COL18A1: variants seen among roughly 807,000 people sequenced by gnomAD.
COL18A1 encodes collagen type XVIII alpha 1 chain.
COL18A1 carries 133 observed loss-of-function variants against 168.0 expected under a neutral mutation model. The ratio of observed to expected loss-of-function variants is 0.79; its 90% confidence interval spans 0.69 to 0.91. COL18A1 has a LOEUF of 0.91. Among genes scored for constraint, COL18A1 ranks in the 40% least tolerant of loss-of-function variants. The probability of loss-of-function intolerance (pLI) is 0.00; values close to 1 mark genes in which losing one functional copy is unlikely to be tolerated. For missense variants in COL18A1, 2,126 were observed against 1,925.4 expected (o/e 1.10, Z -1.95); for synonymous variants, 949 against 809.0 (o/e 1.17, Z -2.94).
chr21:45,499,843 A>G (rs1362778994), intron 32 of COL18A1, among the ~76,000 whole-genome samples: 1 of 152,216 alleles, frequency 6.6e-6, no homozygotes, highest in Admixed American at 6.5e-5. Flanking sequence ...AAGGCAAAAC[A>G]TGAGAGAAAA....
chr21:45,456,367 C>T (rs533274673), intron 2 of COL18A1: 11 of 1,550,150 alleles, frequency 7.1e-6, no homozygotes, highest in Admixed American at 5.9e-5. Context: ...CGGCCCCCTC[C>T]GCCTTCTCCT....
chr21:45,455,449 G>T lies in COL18A1; in HGVS notation c.107-12793G>T, dbSNP rs541819056. 4.0e-3 allele frequency: 6,366 copies of T among 1,584,460 alleles called. 22 individuals are homozygous for T. The highest frequency in any genetic ancestry group is 5.2e-3 in the Non-Finnish European group (6,073 of 1,166,058). On this transcript the variant is annotated intron_variant, in intron 2 of 41. Coordinates refer to ENST00000651438, the MANE Select transcript of COL18A1 (RefSeq NM_001379500.1). ...GGCTGGGAAGCCTGCACAGGGGAGG[G>T]CAGGAGGGCGTGAGCCTGGCTAGCC...
At chr21:45,503,725 A>G (rs1471290635) in intron 32 of COL18A1, among the ~76,000 whole-genome samples, 3 of 151,996 alleles carry the variant, frequency 2.0e-5, no homozygotes, top group Admixed American at 1.3e-4. Flanking sequence ...AGCATGGCAC[A>G]TGTATACATA....
At position 45,405,483 on chromosome 21, in the gene COL18A1, G is replaced by T. The variant is rs561528069; in HGVS notation, c.106+10G>T. 1.5e-6 allele frequency: 2 copies of T among 1,354,716 alleles called. No individual in the cohort carries two copies. The highest frequency in any genetic ancestry group is 1.6e-5 in the South Asian group (1 of 62,916). 83.9% of individuals were successfully genotyped at this position (1,354,716 alleles called of 1,614,324 possible). On this transcript the variant is annotated intron_variant, in intron 2 of 41. Coordinates refer to ENST00000651438, the MANE Select transcript of COL18A1 (RefSeq NM_001379500.1). ...GCCTCCGCGGAGCCAGGTAAGACCC[G>T]GGCGGGACGGGAAGGTTCGCGCCGG...
chr21:45,452,433 T>TGCATGTGAGTACTCACGTGTG (rs1331593282), intron 2 of COL18A1, among the ~76,000 whole-genome samples: 2 of 152,058 alleles, frequency 1.3e-5, no homozygotes, highest in Non-Finnish European at 2.9e-5. Flanking sequence ...AGCTTGTGTA[T>TGCATGTGAGTACTCACGTGTG]GCATGTGAGT....
At chr21:45,487,879 A>G (rs562576262) in intron 17 of COL18A1, among the ~76,000 whole-genome samples, 1 of 152,278 alleles carries the variant, frequency 6.6e-6, no homozygotes, top group South Asian at 2.1e-4. Flanking sequence ...TAGAATCTGA[A>G]ATTCCTATGA....
At chr21:45,436,876 G>T (rs1301237669) in intron 2 of COL18A1, among the ~76,000 whole-genome samples, 1 of 151,222 alleles carries the variant, frequency 6.6e-6, no homozygotes, top group African/African-American at 2.4e-5. Context: ...TTGCTGGCTG[G>T]GGGGCAGCCA....
chr21:45,406,952 G>C (rs995667764), intron 2 of COL18A1, among the ~76,000 whole-genome samples: 1 of 152,206 alleles, frequency 6.6e-6, no homozygotes, highest in Non-Finnish European at 1.5e-5. Flanking sequence ...CTTCTGTCCC[G>C]GGCCTGCCCC....
At chr21:45,447,203 A>G (rs1024377633) in intron 2 of COL18A1, among the ~76,000 whole-genome samples, 2 of 150,788 alleles carry the variant, frequency 1.3e-5, no homozygotes, top group African/African-American at 2.4e-5. Context: ...TCTTATATAT[A>G]TATATATCAT....
chr21:45,456,617 G>A (rs554736377), intron 2 of COL18A1: 42 of 1,539,974 alleles, frequency 2.7e-5, no homozygotes, highest in Middle Eastern at 1.7e-4. Context: ...CCACGAGAGC[G>A]GCGAGCAGGT....
intron 2 of COL18A1, among the ~76,000 whole-genome samples, chr21:45,437,968 ACACACACT>A (rs1253962776): frequency 1.3e-5 from 1 of 76,298 alleles, no homozygotes; most frequent in South Asian, 4.9e-4. Context: ...TCTCCTGCAC[ACACACACT>A]CACACACTCA....
At chr21:45,493,395 C>G in intron 25 of COL18A1, 106 bp from the exon 26 acceptor site, 1 of 1,305,086 alleles carries the variant, frequency 7.7e-7, no homozygotes, top group East Asian at 2.5e-5. Flanking sequence ...CGTGAAAGGA[C>G]CCAGCCTGCG....
chr21:45,422,700 C>T (rs532920733), intron 2 of COL18A1: 1 of 310,002 alleles, frequency 3.2e-6, no homozygotes, highest in Non-Finnish European at 6.4e-6. Context: ...CAGGTCAGGC[C>T]ACTGGGTGAG....
Position 45,490,450 on chromosome 21 carries a change from G to A in COL18A1, c.2031+104G>A. ...GAGATGTGCCCTCCCGGGTCCCTGG[G>A]TCTCCATGTGCCCTCGTGGGTCCCT... is the stretch of plus-strand genomic sequence containing the variant. On this transcript the variant is annotated intron_variant, in intron 20 of 41. Coordinates refer to ENST00000651438, the MANE Select transcript of COL18A1 (RefSeq NM_001379500.1). 3.0e-6 allele frequency: 3 copies of A among 1,016,902 alleles called. No individual in the cohort carries two copies. In the East Asian group the frequency reaches 7.9e-5, roughly 27 times the overall value. 63.0% of individuals were successfully genotyped at this position (1,016,902 alleles called of 1,614,324 possible).
intron 2 of COL18A1, among the ~76,000 whole-genome samples, chr21:45,405,788 G>A (rs1298617903): frequency 6.6e-6 from 1 of 151,382 alleles, no homozygotes; most frequent in Admixed American, 6.6e-5. Context: ...GGGGCCGCGG[G>A]GTCTCGGGAG....
intron 15 of COL18A1, among the ~76,000 whole-genome samples, chr21:45,484,109 T>TACACACACACACCTCTCCA (rs2036000443): frequency 9.8e-6 from 1 of 101,552 alleles, no homozygotes; most frequent in African/African-American, 4.8e-5. Context: ...CCAGCATATG[T>TACACACACACACCTCTCCA]GCACACGCAC....
chr21:45,488,552 G>A (rs951045234), intron 18 of COL18A1, 108 bp downstream of exon 18: 16 of 1,523,508 alleles, frequency 1.1e-5, no homozygotes, highest in Non-Finnish European at 1.3e-5. Flanking sequence ...GATGGCAGGA[G>A]TAGGATGAAT....
intron 2 of COL18A1, among the ~76,000 whole-genome samples, chr21:45,405,705 G>A (rs1485676183): frequency 6.7e-6 from 1 of 150,164 alleles, no homozygotes; most frequent in Non-Finnish European, 1.5e-5. Context: ...CGCGGTGCGA[G>A]CGGCCGGAGT....
intron 32 of COL18A1, among the ~76,000 whole-genome samples, chr21:45,500,641 TG>T (rs1229814502): frequency 3.2e-5 from 1 of 31,488 alleles, no homozygotes; most frequent in African/African-American, 1.4e-4. Flanking sequence ...GTGTGTAGTG[TG>T]GGGGTGTGGT....
Sources: allele counts gnomAD v4.1 joint callset (sites outside exome capture counted in the v4.1 genomes callset), GRCh38; gene constraint gnomAD v4.1.1; transcripts MANE v1.5; gene names NCBI Gene and HGNC (gene_info 2026-07-23, HGNC 2026-07-21).